Variants in GTF2E2 observed in about 807,000 individuals in gnomAD.
The protein encoded by GTF2E2 is general transcription factor IIE subunit 2.
In GTF2E2, 21 loss-of-function variants were observed where a neutral mutation model predicts 40.5. The observed-to-expected ratio is 0.52, with a 90% confidence interval of 0.37 to 0.75. GTF2E2 has a LOEUF of 0.75. Among genes scored for constraint, GTF2E2 ranks in the 30% least tolerant of loss-of-function variants. The pLI, the probability that GTF2E2 is intolerant of heterozygous loss-of-function variation, is 0.00. For missense variants in GTF2E2, 298 were observed against 338.4 expected, an observed-to-expected ratio of 0.88 and a Z score of 0.94; for synonymous variants, 117 against 121.6, an observed-to-expected ratio of 0.96 and a Z score of 0.25.
intron 3 of GTF2E2, among the ~76,000 whole-genome samples, chr8:30,630,754 A>G (rs966643302): frequency 6.6e-6 from 1 of 152,178 alleles, no homozygotes; most frequent in Admixed American, 6.5e-5. Flanking sequence ...ATGGTAACTG[A>G]GGTGCCGTAA....
chr8:30,612,976 G>A (rs1829523033), intron 4 of GTF2E2, among the ~76,000 whole-genome samples: 1 of 152,204 alleles, frequency 6.6e-6, no homozygotes, highest in Non-Finnish European at 1.5e-5. Context: ...TTCCAGAACA[G>A]TAGATCAGCA....
At chr8:30,638,445 C>A (rs1350246661) in intron 2 of GTF2E2, among the ~76,000 whole-genome samples, 1 of 152,114 alleles carries the variant, frequency 6.6e-6, no homozygotes, top group Non-Finnish European at 1.5e-5. Context: ...ACAGTTGATA[C>A]CCCAGACAGC....
intron 6 of GTF2E2, among the ~76,000 whole-genome samples, chr8:30,592,091 T>C (rs1400383230): frequency 6.6e-6 from 1 of 152,178 alleles, no homozygotes; most frequent in Non-Finnish European, 1.5e-5. Context: ...AGGTATTTAA[T>C]TTCAGGCTGG....
intron 1 of GTF2E2, among the ~76,000 whole-genome samples, chr8:30,655,636 G>A (rs759423965): frequency 1.3e-5 from 2 of 152,112 alleles, no homozygotes; most frequent in African/African-American, 4.8e-5. Flanking sequence ...GCTTTGAAAG[G>A]TTACGGAAGA....
At chr8:30,596,486 T>TA (rs745984297) in intron 6 of GTF2E2, among the ~76,000 whole-genome samples, 3 of 152,238 alleles carry the variant, frequency 2.0e-5, no homozygotes, top group Non-Finnish European at 2.9e-5. Flanking sequence ...TGAAATATCC[T>TA]ACCTGACCAT....
At chr8:30,599,091 T>A (rs987801190) in intron 6 of GTF2E2, among the ~76,000 whole-genome samples, 3 of 152,208 alleles carry the variant, frequency 2.0e-5, no homozygotes, top group Admixed American at 6.5e-5. Flanking sequence ...TATGAGGACA[T>A]GAAGAAATAA....
chr8:30,610,443 CAA>C (rs34094808), intron 5 of GTF2E2, among the ~76,000 whole-genome samples: 43 of 89,424 alleles, frequency 4.8e-4, no homozygotes, highest in Admixed American at 8.9e-4. Context: ...GACTCTGTCT[CAA>C]AAAAAAAAAA....
intron 6 of GTF2E2, among the ~76,000 whole-genome samples, chr8:30,593,544 G>A (rs1828908406): frequency 6.6e-6 from 1 of 152,248 alleles, no homozygotes; most frequent in Admixed American, 6.5e-5. Flanking sequence ...CCAAACTGGA[G>A]TGCAGTGGCA....
chr8:30,613,292 A>G (rs1486083865), intron 4 of GTF2E2, among the ~76,000 whole-genome samples: 1 of 152,236 alleles, frequency 6.6e-6, no homozygotes, highest in Non-Finnish European at 1.5e-5. Context: ...GAAGGAACTG[A>G]AAAGGACCAG....
chr8:30,643,468 C>T (rs1485142851), intron 2 of GTF2E2: 6 of 152,130 alleles, frequency 3.9e-5, no homozygotes, highest in Non-Finnish European at 8.8e-5. Context: ...ACCAGCCTGA[C>T]CAACATGGTA....
intron 3 of GTF2E2, among the ~76,000 whole-genome samples, chr8:30,631,826 T>C (rs1432547052): frequency 6.6e-6 from 1 of 152,232 alleles, no homozygotes; most frequent in African/African-American, 2.4e-5. Context: ...CCAGGTCTAG[T>C]GGCTCACGCC....
intron 1 of GTF2E2, among the ~76,000 whole-genome samples, chr8:30,655,628 TTTGAAAGG>T (rs1277380526): frequency 6.6e-6 from 1 of 152,204 alleles, no homozygotes; most frequent in African/African-American, 2.4e-5. Context: ...TGCTCTAAGC[TTTGAAAGG>T]TTACGGAAGA....
chr8:30,579,689 A>G (rs1293467256), intron 7 of GTF2E2, among the ~76,000 whole-genome samples: 2 of 152,210 alleles, frequency 1.3e-5, no homozygotes, highest in African/African-American at 4.8e-5. Flanking sequence ...GGAGGAGCAC[A>G]GCACTGCTAA....
At position 30,612,307 on chromosome 8, in the gene GTF2E2, C is replaced by T; in HGVS notation, c.541G>A (p.Ala181Thr). The change falls in exon 5 of 8, where the codon GCT becomes ACT. Residue 181 changes from alanine to threonine, a missense_variant. By Grantham distance (58) the Ala-to-Thr change is moderately conservative (BLOSUM62 0). Transcript: ENST00000355904. ...AAGAAAAGAGAGATTACCTTGACAG[C>T]TTTCTGGGAATTGGGCAGTGCTTCT... is the stretch of plus-strand genomic sequence containing the variant. ...IEEALPNSQK[A>T]VKALGDQILF... 1 of 1,598,174 alleles carries T rather than the reference C, an allele frequency of 6.3e-7. No individual in the cohort carries two copies. The highest frequency in any genetic ancestry group is 8.6e-7 in the Non-Finnish European group (1 of 1,166,832).
In GTF2E2 at chr8:30,635,048, A is replaced by G; in HGVS notation, c.242T>C (p.Ile81Thr). ...AGTACTTACCTTCATGTAATTCACA[A>G]TCTTAGCAAGAACACCAAACTTATA... ...SGYKFGVLAK[I>T]VNYMKTRHQR... The change falls in exon 3 of 8, where the codon ATT (isoleucine) becomes ACT (threonine). Residue 81 changes from isoleucine to threonine, a missense_variant. By Grantham distance (89) the Ile-to-Thr change is moderately conservative. Transcript: ENST00000355904. 1 of 1,593,760 alleles carries G rather than the reference A, an allele frequency of 6.3e-7. No homozygotes were observed. The highest frequency in any genetic ancestry group is 8.6e-7 in the Non-Finnish European group (1 of 1,162,880).
chr8:30,612,987 C>T (rs1161599618), intron 4 of GTF2E2, among the ~76,000 whole-genome samples: 1 of 152,178 alleles, frequency 6.6e-6, no homozygotes, highest in East Asian at 1.9e-4. Flanking sequence ...TAGATCAGCA[C>T]GGTGCTCACT....
chr8:30,604,628 A>C (rs1252736693), intron 6 of GTF2E2, among the ~76,000 whole-genome samples: 2 of 152,252 alleles, frequency 1.3e-5, no homozygotes, highest in East Asian at 3.8e-4. Context: ...CTTGTTCCTG[A>C]TTATGTAAGA....
intron 3 of GTF2E2, among the ~76,000 whole-genome samples, chr8:30,633,613 AT>A (rs1316358402): frequency 6.6e-6 from 1 of 152,224 alleles, no homozygotes; most frequent in Non-Finnish European, 1.5e-5. Context: ...AGACAAAGTT[AT>A]AAGTAAGCCA....
chr8:30,592,252 A>T (rs1366445800), intron 6 of GTF2E2, among the ~76,000 whole-genome samples: 2 of 152,014 alleles, frequency 1.3e-5, no homozygotes, highest in Non-Finnish European at 2.9e-5. Context: ...GGTGACACAC[A>T]CCTGTAGTCC....
Sources: gnomAD v4.1 joint callset for allele counts (sites outside exome capture counted in the v4.1 genomes callset) on GRCh38, gnomAD v4.1.1 for gene constraint, MANE v1.5 for transcripts, NCBI Gene and HGNC (gene_info 2026-07-23, HGNC 2026-07-21) for gene names.